Variants in LIPC observed in about 807,000 individuals in gnomAD.
LIPC encodes hepatic triacylglycerol lipase.
Under a neutral mutation model 50.7 loss-of-function variants are expected in LIPC, and 44 were observed. That is an observed-to-expected ratio of 0.87 (90% CI 0.68 to 1.11). The LOEUF is 1.11. Ranked by LOEUF, LIPC falls within the 50% of genes most tolerant of loss-of-function variation. The pLI is 0.00. For missense variants in LIPC, 697 were observed against 648.2 expected (o/e 1.08, Z -0.82); for synonymous variants, 271 against 256.4 (o/e 1.06, Z -0.54).
chr15:58,517,663 T>C (rs1327847194), intron 1 of LIPC, among the ~76,000 whole-genome samples: 1 of 152,194 alleles, frequency 6.6e-6, no homozygotes, highest in Non-Finnish European at 1.5e-5. Context: ...ACCCTGGAAA[T>C]TGAACACAGG....
chr15:58,563,814 AG>A (rs1293397128), intron 8 of LIPC, 91 bp downstream of exon 8: 2 of 1,079,370 alleles, frequency 1.9e-6, no homozygotes, highest in Non-Finnish European at 2.8e-6. Context: ...TCATCATGTG[AG>A]GTGAGTATTA....
chr15:58,503,038 TATA>T (rs1892038198), intron 1 of LIPC, among the ~76,000 whole-genome samples: 1 of 152,158 alleles, frequency 6.6e-6, no homozygotes, highest in Admixed American at 6.5e-5. Context: ...ACATATTATT[TATA>T]ATATGTATAG....
intron 1 of LIPC, among the ~76,000 whole-genome samples, chr15:58,520,124 T>TG (rs1365808981): frequency 5.6e-5 from 6 of 106,270 alleles, no homozygotes; most frequent in Admixed American, 5.1e-4. Flanking sequence ...TTTTTTTTTG[T>TG]TTTTTTTTTA....
chr15:58,509,691 C>T (rs1341634019), intron 1 of LIPC, among the ~76,000 whole-genome samples: 2 of 152,146 alleles, frequency 1.3e-5, no homozygotes, highest in Non-Finnish European at 2.9e-5. Context: ...TTTGCCACAT[C>T]ATTTACATGG....
intron 1 of LIPC, among the ~76,000 whole-genome samples, chr15:58,502,854 A>T (rs1039235380): frequency 3.3e-5 from 5 of 152,018 alleles, no homozygotes; most frequent in Non-Finnish European, 7.4e-5. Flanking sequence ...TTAGGGAGGC[A>T]CAAGGATGAA....
At chr15:58,566,051 G>T in intron 8 of LIPC, 1 of 982,538 alleles carries the variant, frequency 1.0e-6, no homozygotes, top group Non-Finnish European at 1.2e-6. Flanking sequence ...AGCATACAAA[G>T]CATCTGGGAA....
chr15:58,436,273 G>C (rs1267784400), intron 1 of LIPC: 1 of 162,228 alleles, frequency 6.2e-6, no homozygotes, highest in African/African-American at 2.4e-5. Flanking sequence ...AAAAATGATA[G>C]CGTAGTGGTT....
chr15:58,550,496 T>C (rs1893710371), intron 6 of LIPC, among the ~76,000 whole-genome samples: 1 of 152,188 alleles, frequency 6.6e-6, no homozygotes, highest in Admixed American at 6.5e-5. Flanking sequence ...AAGGATCCCT[T>C]TGTTATTAAG....
At chr15:58,544,036 G>T (rs1210836834) in intron 4 of LIPC, among the ~76,000 whole-genome samples, 1 of 152,232 alleles carries the variant, frequency 6.6e-6, no homozygotes, top group East Asian at 1.9e-4. Context: ...GAATACACTT[G>T]TGATTATGAC....
chr15:58,535,285 G>T (rs1362679829), intron 1 of LIPC, among the ~76,000 whole-genome samples: 9 of 152,230 alleles, frequency 5.9e-5, no homozygotes, highest in Non-Finnish European at 8.8e-5. Context: ...CCTCCAACTA[G>T]TACCTAGCCA....
At chr15:58,433,277 A>G (rs1893183893) in intron 1 of LIPC, among the ~76,000 whole-genome samples, 1 of 152,066 alleles carries the variant, frequency 6.6e-6, no homozygotes, top group Admixed American at 6.5e-5. Flanking sequence ...GGAATGTTGT[A>G]TTTGTTTGTT....
chr15:58,466,447 G>T (rs1894567495), intron 1 of LIPC, among the ~76,000 whole-genome samples: 1 of 152,076 alleles, frequency 6.6e-6, no homozygotes, highest in South Asian at 2.1e-4. Flanking sequence ...TAGCTCTCTG[G>T]GCCTGAGTTT....
chr15:58,539,887 C>G (rs1414770224), intron 2 of LIPC, among the ~76,000 whole-genome samples: 2 of 152,206 alleles, frequency 1.3e-5, no homozygotes, highest in South Asian at 4.1e-4. Context: ...CAGTCCCAAA[C>G]AGGTCCTCCT....
chr15:58,531,352 T>G (rs1490939852), intron 1 of LIPC, among the ~76,000 whole-genome samples: 3 of 152,176 alleles, frequency 2.0e-5, no homozygotes, highest in Non-Finnish European at 2.9e-5. Flanking sequence ...CGGAAGGACT[T>G]TAGGGAAGCA....
At chr15:58,488,018 T>C (rs566026061) in intron 1 of LIPC, among the ~76,000 whole-genome samples, 3 of 152,284 alleles carry the variant, frequency 2.0e-5, no homozygotes, top group African/African-American at 7.2e-5. Flanking sequence ...ACACCTGTAA[T>C]CCAGAACTTG....
intron 1 of LIPC, 99 bp from the exon 2 acceptor site, chr15:58,538,234 C>T (rs1893201146): frequency 4.4e-6 from 5 of 1,149,058 alleles, no homozygotes; most frequent in Non-Finnish European, 6.6e-6. Flanking sequence ...TCCCAGTAAC[C>T]TCTTTGGCTT....
At chr15:58,545,639 C>T (rs1893496951) in intron 4 of LIPC, 103 bp from the exon 5 acceptor site, 1 of 974,564 alleles carries the variant, frequency 1.0e-6, no homozygotes, top group South Asian at 1.4e-5. Flanking sequence ...GTTTCTTCTT[C>T]CTGCTAGTTC....
chr15:58,515,837 T>TG (rs1231372436), intron 1 of LIPC, among the ~76,000 whole-genome samples: 1 of 152,154 alleles, frequency 6.6e-6, no homozygotes, highest in Non-Finnish European at 1.5e-5. Context: ...CTCACAGAGC[T>TG]GGGGACAGAT....
chr15:58,526,966 G>A (rs1012899662), intron 1 of LIPC, among the ~76,000 whole-genome samples: 18 of 152,076 alleles, frequency 1.2e-4, no homozygotes, highest in Admixed American at 7.9e-4. Flanking sequence ...GCCAGTGCCC[G>A]CCCCACTGGC....
Sources: allele counts gnomAD v4.1 joint callset (sites outside exome capture counted in the v4.1 genomes callset), GRCh38; gene constraint gnomAD v4.1.1; transcripts MANE v1.5; gene names NCBI Gene and HGNC (gene_info 2026-07-23, HGNC 2026-07-21).